The following TLK2 variants were observed in gnomAD, a reference collection of about 807,000 sequenced individuals.
TLK2 encodes serine/threonine-protein kinase tousled-like 2.
In TLK2, 6 loss-of-function variants were observed where a neutral mutation model predicts 117.3. The ratio of observed to expected loss-of-function variants is 0.05; its 90% confidence interval spans 0.03 to 0.10. TLK2 has a LOEUF of 0.10. Among genes scored for constraint, TLK2 ranks in the 10% least tolerant of loss-of-function variants. TLK2 has a pLI of 1.00. For missense variants in TLK2, 299 were observed against 901.2 expected, an observed-to-expected ratio of 0.33 and a Z score of 8.56; for synonymous variants, 257 against 316.7, an observed-to-expected ratio of 0.81 and a Z score of 2.00.
chr17:62,517,366 T>C (rs1250401212), intron 2 of TLK2, among the ~76,000 whole-genome samples: 1 of 152,218 alleles, frequency 6.6e-6, no homozygotes, highest in East Asian at 1.9e-4. Context: ...TTTTGATTAC[T>C]ATAGCTTTGT....
intron 7 of TLK2, among the ~76,000 whole-genome samples, chr17:62,545,953 T>C (rs1234582379): frequency 6.6e-6 from 1 of 152,130 alleles, no homozygotes; most frequent in East Asian, 1.9e-4. Flanking sequence ...TGGATGTCAG[T>C]TCAGTGCAAC....
chr17:62,539,541 G>A (rs1429585120), intron 7 of TLK2, among the ~76,000 whole-genome samples: 1 of 147,286 alleles, frequency 6.8e-6, no homozygotes, highest in East Asian at 2.0e-4. Context: ...GTGCAGTGGT[G>A]CAATCTCAGC....
chr17:62,569,475 G>A (rs1166461125), intron 11 of TLK2, among the ~76,000 whole-genome samples: 3 of 112,844 alleles, frequency 2.7e-5, no homozygotes, highest in African/African-American at 6.9e-5. Context: ...TTGCTCTGTT[G>A]CCCAGGCTGG....
chr17:62,573,467 C>T (rs2080480821), intron 12 of TLK2, 100 bp downstream of exon 12: 1 of 1,469,730 alleles, frequency 6.8e-7, no homozygotes, highest in Non-Finnish European at 9.2e-7. Context: ...TGAGGTCACT[C>T]AGGTTTAAAC....
At chr17:62,573,088 C>A (rs2080442568) in intron 11 of TLK2, 127 bp from the exon 12 acceptor site, 1 of 1,030,320 alleles carries the variant, frequency 9.7e-7, no homozygotes, top group Non-Finnish European at 1.4e-6. Flanking sequence ...AAAATCAAAT[C>A]TCTACTTGAC....
upstream of TLK2, among the ~76,000 whole-genome samples, chr17:62,474,398 A>G (rs1051998508): frequency 4.2e-5 from 6 of 141,202 alleles, no homozygotes; most frequent in African/African-American, 1.6e-4. Context: ...TTTTAATGAC[A>G]TAATTTTATT....
At chr17:62,472,700 T>C (rs2070964348) in intron 1 of TLK2, among the ~76,000 whole-genome samples, 1 of 146,634 alleles carries the variant, frequency 6.8e-6, no homozygotes, top group Admixed American at 7.0e-5. Flanking sequence ...ATCGCACCAC[T>C]GCACTCCAGC....
At chr17:62,532,928 A>G (rs1265985184) in intron 6 of TLK2, among the ~76,000 whole-genome samples, 7 of 152,188 alleles carry the variant, frequency 4.6e-5, no homozygotes, top group East Asian at 1.9e-4. Flanking sequence ...GAGAGTACCA[A>G]TTTTTTCACA....
At chr17:62,566,473 A>T (rs1054743928) in intron 11 of TLK2, among the ~76,000 whole-genome samples, 2 of 152,168 alleles carry the variant, frequency 1.3e-5, no homozygotes, top group African/African-American at 4.8e-5. Flanking sequence ...TTGCTTCATG[A>T]TTATTCCTCA....
rs9895325 is a variant in TLK2, at chr17:62,591,424, G to A, written c.1461-5161G>A. 6.9e-3 allele frequency among the ~76,000 whole-genome samples: 1,039 copies of A among 151,676 alleles called. 7 individuals carry two copies. The highest frequency in any genetic ancestry group is 0.023 in the African/African-American group (967 of 41,378). ...GGTTGGGGAGGCCAAAGCTACATTT[G>A]CTGAGTGTCTGCAGCAAGCTCACTT... On this transcript the variant is annotated intron_variant, in intron 16 of 21. Transcript: ENST00000346027.
intron 6 of TLK2, among the ~76,000 whole-genome samples, chr17:62,530,830 CTT>C (rs1462281718): frequency 6.6e-6 from 1 of 152,028 alleles, no homozygotes. Flanking sequence ...ACTGAAATAA[CTT>C]TATTTTGCTC....
intron 15 of TLK2, among the ~76,000 whole-genome samples, chr17:62,583,553 CCT>C (rs2081369191): frequency 6.6e-6 from 1 of 151,952 alleles, no homozygotes; most frequent in South Asian, 2.1e-4. Flanking sequence ...CCTATTTTTT[CCT>C]AATGTATTTC....
chr17:62,491,393 GT>G (rs1416788199), intron 2 of TLK2, among the ~76,000 whole-genome samples: 1 of 152,048 alleles, frequency 6.6e-6, no homozygotes, highest in Non-Finnish European at 1.5e-5. Flanking sequence ...ATTATCAGTG[GT>G]TTCTTATTTC....
At chr17:62,557,004 A>G (rs2078910084) in intron 9 of TLK2, among the ~76,000 whole-genome samples, 1 of 152,228 alleles carries the variant, frequency 6.6e-6, no homozygotes, top group African/African-American at 2.4e-5. Flanking sequence ...GGCTCACTGC[A>G]GCCTTCATCT....
chr17:62,565,145 A>G lies in TLK2; in HGVS notation c.968+8A>G. 2 of 1,597,240 alleles carry G rather than the reference A, an allele frequency of 1.3e-6. No individual in the cohort carries two copies. Among genetic ancestry groups the G allele is most frequent in the Non-Finnish European group, 1.7e-6 (2 of 1,175,854 alleles). ...TTTTCAGAATCTTATCAAGTAAGTG[A>G]ATTGTTATGATTAAATGGAGAATTG... is the stretch of plus-strand genomic sequence containing the variant. On this transcript the variant is annotated splice_region_variant and intron_variant, in intron 11 of 21. Coordinates refer to ENST00000346027, the MANE Select transcript of TLK2 (RefSeq NM_006852.6).
chr17:62,478,580 T>C (rs1199425576), upstream of TLK2, among the ~76,000 whole-genome samples: 2 of 150,148 alleles, frequency 1.3e-5, no homozygotes, highest in African/African-American at 4.9e-5. Flanking sequence ...CCCTCAGCCG[T>C]CCGGCGAGGC....
At chr17:62,544,213 C>G (rs1408365579) in intron 7 of TLK2, among the ~76,000 whole-genome samples, 1 of 152,130 alleles carries the variant, frequency 6.6e-6, no homozygotes, top group African/African-American at 2.4e-5. Context: ...TCTCACACTG[C>G]TACAAAGAAC....
At chr17:62,490,702 C>T (rs2073024373) in intron 2 of TLK2, among the ~76,000 whole-genome samples, 1 of 152,042 alleles carries the variant, frequency 6.6e-6, no homozygotes, top group South Asian at 2.1e-4. Flanking sequence ...CCACCGCACG[C>T]AGCTAATTTT....
intron 16 of TLK2, among the ~76,000 whole-genome samples, chr17:62,591,972 G>A (rs1370942939): frequency 6.9e-6 from 1 of 145,208 alleles, no homozygotes; most frequent in Admixed American, 6.9e-5. Flanking sequence ...TTTTTTTTCC[G>A]AGACAGAGTT....
Sources: gnomAD v4.1 joint callset for allele counts (sites outside exome capture counted in the v4.1 genomes callset) on GRCh38, gnomAD v4.1.1 for gene constraint, MANE v1.5 for transcripts, NCBI Gene and HGNC (gene_info 2026-07-23, HGNC 2026-07-21) for gene names.